CDH17: variants seen among roughly 807,000 people sequenced by gnomAD.
CDH17 encodes the protein cadherin-17.
CDH17 carries 67 observed loss-of-function variants against 86.3 expected under a neutral mutation model. The ratio of observed to expected loss-of-function variants is 0.78; its 90% CI spans 0.64 to 0.95. The LOEUF (loss-of-function observed/expected upper bound fraction) is 0.95, where lower values mean the gene tolerates loss of function less well. Ranked by LOEUF, CDH17 falls within the 40% of genes least tolerant of loss-of-function variation. The pLI is 0.00. For synonymous variants in CDH17, 367 were observed against 366.4 expected, an observed-to-expected ratio of 1.00 and a Z score of -0.02; for missense variants, 993 against 1,017.6, an observed-to-expected ratio of 0.98 and a Z score of 0.33.
chr8:94,149,127 T>C (rs1175969710), intron 13 of CDH17, among the ~76,000 whole-genome samples: 1 of 152,212 alleles, frequency 6.6e-6, no homozygotes, highest in East Asian at 1.9e-4. Context: ...TGTTCATCCT[T>C]ACAATGTGGT....
At chr8:94,172,788 G>A (rs145045525) in intron 7 of CDH17, among the ~76,000 whole-genome samples, 4 of 152,246 alleles carry the variant, frequency 2.6e-5, no homozygotes, top group African/African-American at 9.6e-5. Context: ...AGGTAGGAGG[G>A]GGCCCAGGGT....
intron 1 of CDH17, among the ~76,000 whole-genome samples, chr8:94,216,253 G>C (rs772323782): frequency 1.3e-5 from 2 of 152,202 alleles, no homozygotes; most frequent in Non-Finnish European, 2.9e-5. Context: ...TTTTCCAATA[G>C]CTACAGGAGG....
At chr8:94,129,263 G>A (rs1236172664) in intron 17 of CDH17, among the ~76,000 whole-genome samples, 2 of 152,176 alleles carry the variant, frequency 1.3e-5, no homozygotes, top group East Asian at 3.9e-4. Flanking sequence ...AAAAGGCACA[G>A]AGGCAGAAGG....
At chr8:94,145,876 C>A in intron 15 of CDH17, 52 bp downstream of exon 15, 1 of 1,566,698 alleles carries the variant, frequency 6.4e-7, no homozygotes, top group Admixed American at 1.8e-5. Flanking sequence ...TTAAATAAAA[C>A]CTACTTTCAT....
intron 5 of CDH17, among the ~76,000 whole-genome samples, chr8:94,176,186 C>T (rs1250201130): frequency 1.3e-5 from 2 of 152,148 alleles, no homozygotes; most frequent in Admixed American, 6.5e-5. Flanking sequence ...ATTTTGTGCC[C>T]TCCACCCACC....
rs753350744 is a variant in CDH17 at position 94,160,015 on chromosome 8, C to G, written c.1507G>C (p.Asp503His). ...CCGGTGTTGGTATGGGGATCTGTGT[C>G]AACCCCCAGGCGTCCCTCACTGTCT... is the stretch of plus-strand genomic sequence containing the variant. ...KGDSEGRLGVDTDPHTNTGYV... is the reference protein window; with the variant it reads ...KGDSEGRLGVHTDPHTNTGYV... Residue 503 changes from aspartate to histidine, a missense_variant, in exon 12 of 18, where the codon GAC becomes CAC. Coordinates refer to ENST00000027335, the MANE Select transcript of CDH17 (RefSeq NM_004063.4). The G allele has an allele frequency of 6.2e-7, 1 of 1,613,406 alleles. No homozygotes were observed. Among genetic ancestry groups the G allele is most frequent in the Admixed American group, 1.7e-5 (1 of 59,966 alleles).
chr8:94,176,730 C>A (rs1317628538), intron 4 of CDH17, 51 bp from the exon 5 acceptor site: 1 of 1,556,432 alleles, frequency 6.4e-7, no homozygotes, highest in South Asian at 1.2e-5. Context: ...CTTCATGTCA[C>A]ATGCCCAAAA....
At chr8:94,164,807 T>G (rs905147508) in intron 10 of CDH17, among the ~76,000 whole-genome samples, 2 of 152,238 alleles carry the variant, frequency 1.3e-5, no homozygotes, top group Admixed American at 1.3e-4. Flanking sequence ...TGAGTCTGTC[T>G]TTGAATCCAG....
At chr8:94,204,408 G>GT (rs1032598319) in intron 1 of CDH17, among the ~76,000 whole-genome samples, 3 of 152,130 alleles carry the variant, frequency 2.0e-5, no homozygotes, top group Admixed American at 6.5e-5. Flanking sequence ...TTGGTTTTCT[G>GT]TTCCTGTGTT....
chr8:94,181,054 T>G (rs116290843), intron 3 of CDH17, among the ~76,000 whole-genome samples: 20 of 150,234 alleles, frequency 1.3e-4, no homozygotes, highest in Non-Finnish European at 8.9e-5. Context: ...TATACTACTA[T>G]CAGACAAAAC....
chr8:94,199,061 ATATATATATATATATATATATATTTTT>A lies in CDH17; in HGVS notation c.-20-4383_-20-4357del, dbSNP rs1327090777. Among the ~76,000 whole-genome samples the A allele has an allele frequency of 6.9e-3, 344 of 49,842 alleles. 9 individuals carry two copies. Among genetic ancestry groups the A allele is most frequent in the South Asian group, 0.027 (49 of 1,802 alleles). 32.7% of individuals were successfully genotyped at this position (49,842 alleles called of 152,430 possible). A position where few individuals can be genotyped will look rare whatever the true frequency, so the allele number is the denominator to read the frequency against. On this transcript the variant is annotated intron_variant, in intron 1 of 17. Coordinates refer to ENST00000027335, the MANE Select transcript of CDH17 (RefSeq NM_004063.4). ...TTGATATATATATATATATATATATATATATATATATATATATATATATTTTTTTTTTTTTATCATTTGTCTGTTAGC... is the reference window on the plus strand; with the variant it reads ...TTGATATATATATATATATATATATATTTTTTTTATCATTTGTCTGTTAGC...
intron 1 of CDH17, among the ~76,000 whole-genome samples, chr8:94,215,404 T>C (rs1202850589): frequency 6.6e-6 from 1 of 152,142 alleles, no homozygotes; most frequent in Non-Finnish European, 1.5e-5. Flanking sequence ...AGCCTAATAT[T>C]ATATAATCCA....
At chr8:94,193,465 T>A (rs922123142) in intron 2 of CDH17, among the ~76,000 whole-genome samples, 6 of 152,174 alleles carry the variant, frequency 3.9e-5, no homozygotes, top group African/African-American at 1.4e-4. Flanking sequence ...TCTCATTGAA[T>A]TGCCACAAAA....
At chr8:94,170,737 G>A in intron 8 of CDH17, 117 bp downstream of exon 8, 1 of 1,374,314 alleles carries the variant, frequency 7.3e-7, no homozygotes, top group Non-Finnish European at 9.9e-7. Context: ...CCAATAATAT[G>A]CTGGAGTCTG....
Position 94,189,288 on chromosome 8 carries a change from G to A in CDH17, c.52-3C>T, listed in dbSNP as rs754136282. On this transcript the variant is annotated splice_polypyrimidine_tract_variant and splice_region_variant and intron_variant, in intron 2 of 17. Coordinates refer to ENST00000027335, the MANE Select transcript of CDH17 (RefSeq NM_004063.4). ...CCCTCTTGGCCATATCCAGTTGCCT[G>A]TTAAAAAAGAAAGAGAAAATTAGCA... 1.3e-5 allele frequency: 20 copies of A among 1,594,466 alleles called. No homozygotes were observed. The African/African-American group carries it at 2.4e-4, about 20-fold the overall frequency.
chr8:94,138,377 A>G (rs1360484915), intron 15 of CDH17, among the ~76,000 whole-genome samples: 1 of 152,220 alleles, frequency 6.6e-6, no homozygotes, highest in Non-Finnish European at 1.5e-5. Flanking sequence ...AAAGAAGGAA[A>G]GCAAATGAGG....
intron 5 of CDH17, 37 bp from the exon 6 acceptor site, chr8:94,174,297 AG>A (rs1813330189): frequency 1.3e-6 from 2 of 1,516,500 alleles, no homozygotes; most frequent in Non-Finnish European, 8.9e-7. Context: ...AAAAAAAAAA[AG>A]ATATTAATTG....
At chr8:94,132,043 T>C (rs1812431282) in intron 15 of CDH17, among the ~76,000 whole-genome samples, 1 of 152,234 alleles carries the variant, frequency 6.6e-6, no homozygotes, top group African/African-American at 2.4e-5. Flanking sequence ...TTCCATGGTG[T>C]ATATGTGCCA....
chr8:94,214,747 C>T (rs1814170075), intron 1 of CDH17, among the ~76,000 whole-genome samples: 2 of 152,078 alleles, frequency 1.3e-5, no homozygotes, highest in Admixed American at 1.3e-4. Context: ...ATTTGTAAGT[C>T]GCGTATCTGA....
Sources: gnomAD v4.1 joint callset for allele counts (sites outside exome capture counted in the v4.1 genomes callset) on GRCh38, gnomAD v4.1.1 for gene constraint, MANE v1.5 for transcripts, NCBI Gene and HGNC (gene_info 2026-07-23, HGNC 2026-07-21) for gene names.